The following PDE8A variants were observed in gnomAD, a reference collection of about 807,000 sequenced individuals.
PDE8A encodes phosphodiesterase 8A, also known as high affinity cAMP-specific and IBMX-insensitive 3',5'-cyclic phosphodiesterase 8A.
PDE8A carries 59 observed loss-of-function variants against 105.0 expected under a neutral mutation model. The observed-to-expected ratio is 0.56, with a 90% CI of 0.46 to 0.70. The LOEUF is 0.70. PDE8A is among the 30% of genes least tolerant of loss of function. The pLI, the probability that PDE8A is intolerant of heterozygous loss-of-function variation, is 0.00. For missense variants in PDE8A, 1,014 were observed against 1,045.9 expected (o/e 0.97, Z 0.42); for synonymous variants, 355 against 371.9 (o/e 0.95, Z 0.52).
At chr15:85,114,651 C>G (rs1222096386) in intron 14 of PDE8A, among the ~76,000 whole-genome samples, 5 of 152,154 alleles carry the variant, frequency 3.3e-5, no homozygotes, top group Non-Finnish European at 7.3e-5. Flanking sequence ...TTGTCTTGGT[C>G]AGAAGCAAAA....
chr15:85,100,254 A>T, intron 11 of PDE8A, 56 bp downstream of exon 11: 1 of 1,462,466 alleles, frequency 6.8e-7, no homozygotes, highest in Non-Finnish European at 9.5e-7. Context: ...GAAAAAAAAT[A>T]AAAACAGATC....
Position 85,090,930 on chromosome 15 carries a change from C to T in PDE8A, c.715-114C>T, listed in dbSNP as rs1225832166. The T allele has an allele frequency of 2.2e-5, 19 of 852,230 alleles. 1 individual carries two copies. Among genetic ancestry groups the T allele is most frequent in the Non-Finnish European group, 3.0e-5 (16 of 538,738 alleles). 52.8% of individuals were successfully genotyped at this position (852,230 alleles called of 1,614,324 possible). A position where few individuals can be genotyped will look rare whatever the true frequency, so the allele number is the denominator to read the frequency against. On this transcript the variant is annotated intron_variant, in intron 7 of 21. Coordinates refer to ENST00000394553, the MANE Select transcript of PDE8A (RefSeq NM_002605.3). Reference sequence around the variant, plus strand: ...CAACTGCCACGGTGAGGTCCAGGCTCCTGAGCTTTTTCTGGGGAAAAACCT... The same window carrying T: ...CAACTGCCACGGTGAGGTCCAGGCTTCTGAGCTTTTTCTGGGGAAAAACCT...
At chr15:85,096,020 C>A (rs192141989) in intron 8 of PDE8A, among the ~76,000 whole-genome samples, 280 of 152,024 alleles carry the variant, frequency 1.8e-3, no homozygotes, top group Middle Eastern at 0.017. Context: ...GGACTACAGG[C>A]ACATGCCACT....
intron 1 of PDE8A, among the ~76,000 whole-genome samples, chr15:85,015,243 T>TAGGA (rs2080305425): frequency 1.5e-5 from 1 of 68,866 alleles, no homozygotes; most frequent in African/African-American, 5.1e-5. Context: ...TGTGCATAAG[T>TAGGA]CTTTTTTTTT....
chr15:85,097,204 G>A (rs768417495), intron 8 of PDE8A, among the ~76,000 whole-genome samples: 54 of 152,170 alleles, frequency 3.5e-4, no homozygotes, highest in Admixed American at 6.5e-4. Flanking sequence ...AACATTTTAG[G>A]ACGGTGACAA....
At chr15:85,108,426 A>G (rs761756413) in intron 11 of PDE8A, among the ~76,000 whole-genome samples, 1 of 152,154 alleles carries the variant, frequency 6.6e-6, no homozygotes, top group Non-Finnish European at 1.5e-5. Context: ...TGCACAGAGA[A>G]GGGGTCAGGA....
chr15:85,014,859 A>G (rs1273294688), intron 1 of PDE8A, among the ~76,000 whole-genome samples: 2 of 152,194 alleles, frequency 1.3e-5, no homozygotes, highest in East Asian at 3.8e-4. Context: ...AACCATTACC[A>G]CTAATCCTAG....
chr15:85,086,515 T>A (rs1203646919), intron 6 of PDE8A, among the ~76,000 whole-genome samples: 1 of 152,108 alleles, frequency 6.6e-6, no homozygotes, highest in African/African-American at 2.4e-5. Flanking sequence ...ATTAGAAAAA[T>A]ATTAAAAGAC....
intron 1 of PDE8A, among the ~76,000 whole-genome samples, chr15:85,026,245 G>T (rs1201539925): frequency 6.6e-6 from 1 of 152,162 alleles, no homozygotes; most frequent in Non-Finnish European, 1.5e-5. Flanking sequence ...AGGGTACAAT[G>T]GGAGGTGGCT....
chr15:85,083,555 G>C lies in PDE8A; in HGVS notation c.547-1G>C. 1.9e-6 allele frequency: 3 copies of C among 1,593,246 alleles called. No homozygotes were observed. The highest frequency in any genetic ancestry group is 2.6e-6 in the Non-Finnish European group (3 of 1,161,244). The stretch of plus-strand genomic sequence containing the variant: ...CACAAAATTCCTCTTTCTGTTTGTA[G>C]AGGTATGTAGAAAACCCCAACATCA... On this transcript the variant is annotated splice_acceptor_variant, in intron 5 of 21. Transcript: ENST00000394553. LOFTEE classifies it high-confidence loss of function.
At chr15:85,134,884 G>A (rs1270435479) in intron 20 of PDE8A, among the ~76,000 whole-genome samples, 3 of 152,198 alleles carry the variant, frequency 2.0e-5, no homozygotes, top group Non-Finnish European at 4.4e-5. Flanking sequence ...TGCTGGGCCA[G>A]GTGTAGTAAG....
At chr15:85,029,610 C>T (rs1320428192) in intron 1 of PDE8A, among the ~76,000 whole-genome samples, 1 of 152,082 alleles carries the variant, frequency 6.6e-6, no homozygotes, top group Non-Finnish European at 1.5e-5. Flanking sequence ...ATATATGTGG[C>T]GCTGAGTGAA....
intron 1 of PDE8A, among the ~76,000 whole-genome samples, chr15:85,050,051 C>G (rs1467106474): frequency 6.6e-6 from 1 of 152,012 alleles, no homozygotes; most frequent in East Asian, 1.9e-4. Context: ...ATTTTCATTT[C>G]CCTACTGGTT....
At chr15:85,137,103 A>G (rs1446706058) in intron 21 of PDE8A, among the ~76,000 whole-genome samples, 1 of 152,178 alleles carries the variant, frequency 6.6e-6, no homozygotes, top group African/African-American at 2.4e-5. Context: ...TCTGTCAAAT[A>G]AAAGAATATC....
At chr15:85,112,167 ATTCCT>A (rs2082030270) in intron 12 of PDE8A, among the ~76,000 whole-genome samples, 1 of 151,880 alleles carries the variant, frequency 6.6e-6, no homozygotes. Flanking sequence ...TTTTTTTCTA[ATTCCT>A]TTATTTTTAA....
chr15:85,107,549 G>A lies in PDE8A; in HGVS notation c.1037-1504G>A, dbSNP rs556021025. Among the ~76,000 whole-genome samples, 4 of 152,318 alleles carry A rather than the reference G, an allele frequency of 2.6e-5. No homozygotes were observed. The South Asian group carries it at 8.3e-4, about 32-fold the overall frequency. On this transcript the variant is annotated intron_variant, in intron 11 of 21. Transcript: ENST00000394553. ...ATAGAGCAGGGGATAGACTGGAGGT[G>A]TTTAGGAGGTAGAATCCTTAGATTT...
intron 16 of PDE8A, 95 bp downstream of exon 16, chr15:85,116,214 T>C: frequency 7.5e-7 from 1 of 1,333,374 alleles, no homozygotes; most frequent in African/African-American, 1.4e-5. Flanking sequence ...ACAAGCCTGG[T>C]ACCTGGTCAG....
chr15:85,111,924 A>G (rs548822075), intron 12 of PDE8A, among the ~76,000 whole-genome samples: 1 of 152,282 alleles, frequency 6.6e-6, no homozygotes, highest in East Asian at 1.9e-4. Context: ...TTAGGTATTG[A>G]TGGTTTTTTA....
chr15:85,113,513 C>A, intron 13 of PDE8A, 66 bp downstream of exon 13: 1 of 1,374,638 alleles, frequency 7.3e-7, no homozygotes, highest in Non-Finnish European at 1.0e-6. Context: ...AGGATCATTT[C>A]CAATGAGAAG....
Sources: allele counts gnomAD v4.1 joint callset (sites outside exome capture counted in the v4.1 genomes callset), GRCh38; gene constraint gnomAD v4.1.1; transcripts MANE v1.5; gene names NCBI Gene and HGNC (gene_info 2026-07-23, HGNC 2026-07-21).